Variants in UBE2D4 observed in about 807,000 individuals in gnomAD.
UBE2D4 encodes ubiquitin conjugating enzyme E2 D4, also known as ubiquitin-conjugating enzyme E2 D4.
Under a neutral mutation model 23.0 loss-of-function variants are expected in UBE2D4, and 17 were observed. The ratio of observed to expected loss-of-function variants is 0.74; its 90% CI spans 0.51 to 1.11. UBE2D4 has a LOEUF of 1.11. UBE2D4 is among the 50% of genes least tolerant of loss of function. The pLI is 0.00. For synonymous variants in UBE2D4, 61 were observed against 69.4 expected, an observed-to-expected ratio of 0.88 and a Z score of 0.60; for missense variants, 139 against 181.8, an observed-to-expected ratio of 0.76 and a Z score of 1.35.
At chr7:43,935,411 A>G (rs1406493607) in intron 1 of UBE2D4, among the ~76,000 whole-genome samples, 2 of 152,168 alleles carry the variant, frequency 1.3e-5, no homozygotes, top group Non-Finnish European at 2.9e-5. Flanking sequence ...ACAGAATACC[A>G]TAAAAGACCT....
Position 43,926,451 on chromosome 7 carries a change from C to G in UBE2D4, c.-82C>G. 7.9e-7 allele frequency: 1 copy of G among 1,266,346 alleles called. No individual in the cohort carries two copies. Among genetic ancestry groups the G allele is most frequent in the African/African-American group, 1.6e-5 (1 of 63,232 alleles). The allele number at this position is 1,266,346 out of a possible 1,614,324, so 78.4% of individuals were successfully genotyped here. A position where few individuals can be genotyped will look rare whatever the true frequency, so the allele number is the denominator to read the frequency against. On this transcript the variant is annotated 5_prime_UTR_variant, in exon 1 of 7. Coordinates refer to ENST00000222402, the MANE Select transcript of UBE2D4 (RefSeq NM_015983.4). ...AGCGCAGGCTGCGGCTCCCGGCGTG[C>G]AGCTTGGTGGCGGCTGAGCCGGCAG...
rs879230938 is a variant in UBE2D4, at chr7:43,952,852, G to A, written c.*157G>A. On this transcript the variant is annotated 3_prime_UTR_variant, in exon 7 of 7. Coordinates refer to ENST00000222402, the MANE Select transcript of UBE2D4 (RefSeq NM_015983.4). ...CTCTCTCCAGCTGCAGCATGTTGGT[G>A]CCATTTTCAGCAATTACGGCTTTGA... is the stretch of plus-strand genomic sequence containing the variant. 1.4e-5 allele frequency: 9 copies of A among 630,952 alleles called. No individual in the cohort carries two copies. The East Asian group carries it at 2.0e-4, about 14-fold the overall frequency. 39.1% of individuals were successfully genotyped at this position (630,952 alleles called of 1,614,324 possible). A position where few individuals can be genotyped will look rare whatever the true frequency, so the allele number is the denominator to read the frequency against.
intron 1 of UBE2D4, among the ~76,000 whole-genome samples, chr7:43,931,469 G>A (rs186917906): frequency 6.6e-6 from 1 of 152,168 alleles, no homozygotes; most frequent in East Asian, 1.9e-4. Context: ...AAACAAAACA[G>A]AAAACCTGAG....
chr7:43,948,404 T>A (rs2132794577), intron 4 of UBE2D4, among the ~76,000 whole-genome samples: 1 of 152,328 alleles, frequency 6.6e-6, no homozygotes, highest in Middle Eastern at 3.4e-3. Context: ...AATCCCCCTA[T>A]GTTCAGAATG....
At chr7:43,932,486 T>G (rs2095948092) in intron 1 of UBE2D4, among the ~76,000 whole-genome samples, 1 of 152,172 alleles carries the variant, frequency 6.6e-6, no homozygotes, top group African/African-American at 2.4e-5. Flanking sequence ...ATACATGTAC[T>G]TTAAAGAAAA....
At position 43,938,421 on chromosome 7, in the gene UBE2D4, C is replaced by T; in HGVS notation, c.25-10C>T. 1.9e-6 allele frequency: 3 copies of T among 1,613,902 alleles called. No homozygotes were observed. The highest frequency in any genetic ancestry group is 1.7e-6 in the Non-Finnish European group (2 of 1,179,872). On this transcript the variant is annotated splice_polypyrimidine_tract_variant and intron_variant, in intron 1 of 6. Coordinates refer to ENST00000222402, the MANE Select transcript of UBE2D4 (RefSeq NM_015983.4). ...ATACAGCAGCTCTGACCCACTCTCT[C>T]ATGTTCTAGGAATTAACCGACTTGC...
At chr7:43,951,968 C>T (rs2096003547) in intron 6 of UBE2D4, 1 of 151,916 alleles carries the variant, frequency 6.6e-6, no homozygotes, top group East Asian at 1.9e-4. Flanking sequence ...TTAGACATAC[C>T]AAAAGTGATT....
At position 43,953,833 on chromosome 7, in the gene UBE2D4, C is replaced by T. The variant is rs1444767849; in HGVS notation, c.*1138C>T. Reference sequence around the variant, plus strand: ...TTGAGGAGCTTCAGATCTCTAAAGCCAAATTCAACCTGATCTTTCTAGGTT... The same window carrying T: ...TTGAGGAGCTTCAGATCTCTAAAGCTAAATTCAACCTGATCTTTCTAGGTT... On this transcript the variant is annotated 3_prime_UTR_variant, in exon 7 of 7. Transcript: ENST00000222402. The T allele has an allele frequency of 1.3e-5, 2 of 152,442 alleles. No homozygotes were observed. The highest frequency in any genetic ancestry group is 2.4e-5 in the African/African-American group (1 of 41,454). The allele number at this position is 152,442 out of a possible 1,614,324, so 9.4% of individuals were successfully genotyped here. A position where few individuals can be genotyped will look rare whatever the true frequency, so the allele number is the denominator to read the frequency against.
chr7:43,931,207 C>T (rs2095944701), intron 1 of UBE2D4, among the ~76,000 whole-genome samples: 1 of 151,930 alleles, frequency 6.6e-6, no homozygotes, highest in African/African-American at 2.4e-5. Flanking sequence ...GAGGCTAAGG[C>T]AGGTGGATGG....
chr7:43,953,639 C>G lies in UBE2D4; in HGVS notation c.*944C>G, dbSNP rs1306419810. The stretch of plus-strand genomic sequence containing the variant: ...ACACACTATTAACAGTTATTTGAAG[C>G]CTTAAATTACAATAGCCTGTTAGGT... On this transcript the variant is annotated 3_prime_UTR_variant, in exon 7 of 7. Coordinates refer to ENST00000222402, the MANE Select transcript of UBE2D4 (RefSeq NM_015983.4). The G allele has an allele frequency of 6.1e-6, 1 of 162,806 alleles. No homozygotes were observed. The highest frequency in any genetic ancestry group is 2.4e-5 in the African/African-American group (1 of 41,600). The allele number at this position is 162,806 out of a possible 1,614,324, so 10.1% of individuals were successfully genotyped here.
In UBE2D4 at chr7:43,951,364, A is replaced by G. The variant is rs1328617312; in HGVS notation, c.398+672A>G. Among the ~76,000 whole-genome samples, 5 of 152,208 alleles carry G rather than the reference A, an allele frequency of 3.3e-5. No homozygotes were observed. In the East Asian group the frequency reaches 9.6e-4, roughly 29 times the overall value. On this transcript the variant is annotated intron_variant, in intron 6 of 6. Transcript: ENST00000222402. ...CTCAGTGCTGACAGCACTGTGAAAGAGGCCCAGGTGTGGCAGGGGCCGCAG... is the reference window on the plus strand; with the variant it reads ...CTCAGTGCTGACAGCACTGTGAAAGGGGCCCAGGTGTGGCAGGGGCCGCAG...
chr7:43,951,824 CAT>C (rs777562657), intron 6 of UBE2D4: 7 of 152,310 alleles, frequency 4.6e-5, no homozygotes, highest in South Asian at 2.1e-4. Context: ...CACTCAGCCA[CAT>C]GTTTTTTTCA....
intron 1 of UBE2D4, 48 bp from the exon 2 acceptor site, chr7:43,938,383 C>T (rs1417879372): frequency 1.3e-6 from 2 of 1,563,152 alleles, no homozygotes; most frequent in South Asian, 1.1e-5. Context: ...TATGTAGAGG[C>T]AGCATCCCCA....
chr7:43,948,809 A>G, intron 5 of UBE2D4, 72 bp downstream of exon 5: 2 of 1,223,260 alleles, frequency 1.6e-6, no homozygotes, highest in Non-Finnish European at 2.4e-6. Context: ...CTGAGTGGAA[A>G]TGGAAGCTCA....
chr7:43,935,611 T>C (rs1359274729), intron 1 of UBE2D4, among the ~76,000 whole-genome samples: 1 of 152,166 alleles, frequency 6.6e-6, no homozygotes, highest in African/African-American at 2.4e-5. Flanking sequence ...GTTAACGGAT[T>C]TTAGTCCCTT....
chr7:43,937,321 G>C (rs1437034426), intron 1 of UBE2D4, among the ~76,000 whole-genome samples: 1 of 152,180 alleles, frequency 6.6e-6, no homozygotes, highest in Non-Finnish European at 1.5e-5. Flanking sequence ...GTGCTGAGGG[G>C]CACATAGCAG....
At chr7:43,943,230 T>G in intron 4 of UBE2D4, 199 bp downstream of exon 4, 1 of 616,142 alleles carries the variant, frequency 1.6e-6, no homozygotes, top group South Asian at 2.0e-5. Context: ...CAAGGGTCAG[T>G]GGGGTGAGCT....
chr7:43,947,278 G>A (rs2095990173), intron 4 of UBE2D4: 1 of 152,062 alleles, frequency 6.6e-6, no homozygotes, highest in Non-Finnish European at 1.5e-5. Flanking sequence ...GGGATTACAG[G>A]CCTGCACCAC....
chr7:43,941,020 G>T (rs972043274), intron 2 of UBE2D4: 2 of 152,120 alleles, frequency 1.3e-5, no homozygotes, highest in Non-Finnish European at 2.9e-5. Context: ...CACCTCTAGG[G>T]GCTTGGGAAA....
Sources: gnomAD v4.1 joint callset for allele counts (sites outside exome capture counted in the v4.1 genomes callset) on GRCh38, gnomAD v4.1.1 for gene constraint, MANE v1.5 for transcripts, NCBI Gene and HGNC (gene_info 2026-07-23, HGNC 2026-07-21) for gene names.